Variants in TMTC2 observed in about 807,000 individuals in gnomAD.
TMTC2 encodes transmembrane O-mannosyltransferase targeting cadherins 2, also known as protein O-mannosyl-transferase TMTC2.
In TMTC2, 43 loss-of-function variants were observed where a neutral mutation model predicts 82.4. The ratio of observed to expected loss-of-function variants is 0.52; its 90% CI spans 0.41 to 0.67. The LOEUF is 0.67. TMTC2 is among the 30% of genes least tolerant of loss of function. The pLI, the probability that TMTC2 is intolerant of heterozygous loss-of-function variation, is 0.00. For synonymous variants in TMTC2, 408 were observed against 381.9 expected, an observed-to-expected ratio of 1.07 and a Z score of -0.80; for missense variants, 919 against 1,012.4, an observed-to-expected ratio of 0.91 and a Z score of 1.25.
chr12:82,690,715 T>C (rs1178632952), intron 1 of TMTC2, among the ~76,000 whole-genome samples: 1 of 152,206 alleles, frequency 6.6e-6, no homozygotes, highest in African/African-American at 2.4e-5. Context: ...CTCCCCTTGC[T>C]TTCAATCTAG....
chr12:82,901,915 G>A (rs1240356306), intron 3 of TMTC2, among the ~76,000 whole-genome samples: 1 of 152,058 alleles, frequency 6.6e-6, no homozygotes, highest in African/African-American at 2.4e-5. Context: ...CTGTTGGTAT[G>A]GGGGAGGAAA....
chr12:82,924,347 G>A (rs1210359113), intron 3 of TMTC2, among the ~76,000 whole-genome samples: 2 of 152,216 alleles, frequency 1.3e-5, no homozygotes, highest in African/African-American at 4.8e-5. Flanking sequence ...CATTCATATA[G>A]CAAGAGAGGA....
In TMTC2 at chr12:82,856,452, G is replaced by A. The variant is rs181841999; in HGVS notation, c.84-558G>A. On this transcript the variant is annotated intron_variant, in intron 1 of 11. Transcript: ENST00000321196. ...AGGACCATCAACATCAGCATCACCT[G>A]AGAGCTACTGGAATGTGGACTCTCT... Among the ~76,000 whole-genome samples, 256 of 152,308 alleles carry A rather than the reference G, an allele frequency of 1.7e-3. 2 individuals are homozygous for A. The highest frequency in any genetic ancestry group is 6.0e-3 in the African/African-American group (248 of 41,568).
rs776796795 is a variant in TMTC2, at chr12:83,051,014, C to T, written c.2263C>T (p.Leu755Phe). ...FDVVFNAAHM[L>F]RQASLNEAAE... The stretch of plus-strand genomic sequence containing the variant: ...TGTTGTCTTCAATGCTGCCCACATG[C>T]TCAGGTTAGTTTTTTTGCTGCTGTG... Residue 755 changes from leucine (L) to phenylalanine (F), a missense_variant, in exon 10 of 12, where the codon CTC becomes TTC. Physicochemically the swap from Leu to Phe is conservative, Grantham distance 22. Transcript: ENST00000321196. The T allele has an allele frequency of 4.7e-5, 75 of 1,604,024 alleles. No individual in the cohort carries two copies. Among genetic ancestry groups the T allele is most frequent in the Non-Finnish European group, 5.8e-5 (68 of 1,175,466 alleles).
intron 9 of TMTC2, among the ~76,000 whole-genome samples, chr12:83,037,614 A>G (rs980113238): frequency 6.6e-6 from 1 of 152,154 alleles, no homozygotes; most frequent in Admixed American, 6.5e-5. Flanking sequence ...GTTCCAAACT[A>G]TTTCATTTCT....
intron 8 of TMTC2, among the ~76,000 whole-genome samples, chr12:82,991,459 A>G (rs151112034): frequency 2.6e-5 from 4 of 152,336 alleles, no homozygotes; most frequent in East Asian, 3.9e-4. Flanking sequence ...GGTCATGAAC[A>G]TAAGACTTCA....
chr12:82,834,994 C>T (rs1253723523), intron 1 of TMTC2, among the ~76,000 whole-genome samples: 2 of 152,096 alleles, frequency 1.3e-5, no homozygotes, highest in South Asian at 2.1e-4. Context: ...TTTCCTGCTT[C>T]AGCCTCCTGA....
At position 83,133,314 on chromosome 12, in the gene TMTC2, A is replaced by G. The variant is rs1393356909; in HGVS notation, c.*925A>G. ...CAATAACTAACCAACAGGTTATTAG[A>G]CAAAAGGGAAGGTGTTTTGTGCTTC... is the stretch of plus-strand genomic sequence containing the variant. On this transcript the variant is annotated 3_prime_UTR_variant, in exon 12 of 12. Transcript: ENST00000321196. 1 of 152,234 alleles carries G rather than the reference A, an allele frequency of 6.6e-6. No homozygotes were observed. The highest frequency in any genetic ancestry group is 2.4e-5 in the African/African-American group (1 of 41,456). The allele number at this position is 152,234 out of a possible 1,614,324, so 9.4% of individuals were successfully genotyped here. A position where few individuals can be genotyped will look rare whatever the true frequency, so the allele number is the denominator to read the frequency against.
chr12:83,132,508 C>A lies in TMTC2; in HGVS notation c.*119C>A. ...TAGACTTCAAGACCAGGGCAGAGGT[C>A]ATTGAGGTCACTACCGCTTCTGGAA... On this transcript the variant is annotated 3_prime_UTR_variant, in exon 12 of 12. Coordinates refer to ENST00000321196, the MANE Select transcript of TMTC2 (RefSeq NM_152588.3). The A allele has an allele frequency of 1.8e-6, 2 of 1,128,918 alleles. No homozygotes were observed. The highest frequency in any genetic ancestry group is 2.5e-6 in the Non-Finnish European group (2 of 801,428). 69.9% of individuals were successfully genotyped at this position (1,128,918 alleles called of 1,614,324 possible).
At chr12:83,043,399 T>A (rs1357537490) in intron 9 of TMTC2, among the ~76,000 whole-genome samples, 1 of 152,200 alleles carries the variant, frequency 6.6e-6, no homozygotes, top group African/African-American at 2.4e-5. Context: ...ACTCATCTTG[T>A]TACCACTAGA....
At chr12:82,962,426 G>C (rs1389456020) in intron 4 of TMTC2, among the ~76,000 whole-genome samples, 1 of 151,994 alleles carries the variant, frequency 6.6e-6, no homozygotes, top group African/African-American at 2.4e-5. Flanking sequence ...AACCTTGATG[G>C]GCAGAGTAAA....
intron 1 of TMTC2, among the ~76,000 whole-genome samples, chr12:82,793,402 A>G (rs1055498026): frequency 8.1e-5 from 12 of 147,876 alleles, no homozygotes; most frequent in African/African-American, 3.0e-4. Context: ...ATATATCTTC[A>G]GTTCTAAATG....
At chr12:83,086,399 A>C (rs1041292909) in intron 11 of TMTC2, among the ~76,000 whole-genome samples, 1 of 152,156 alleles carries the variant, frequency 6.6e-6, no homozygotes, top group Non-Finnish European at 1.5e-5. Context: ...GGTGATTCTA[A>C]TGTGCAGTTA....
intron 11 of TMTC2, among the ~76,000 whole-genome samples, chr12:83,124,563 C>CT (rs61668693): frequency 0.044 from 6,023 of 138,458 alleles, 336 homozygotes; most frequent in African/African-American, 0.14. Context: ...TTGTTGAAAT[C>CT]TTTTTTTTTT....
intron 11 of TMTC2, among the ~76,000 whole-genome samples, chr12:83,118,108 C>G (rs562748092): frequency 6.6e-6 from 1 of 152,194 alleles, no homozygotes; most frequent in African/African-American, 2.4e-5. Context: ...GTCATATCAT[C>G]AGCAAACAGT....
At chr12:83,048,598 G>A (rs1314672783) in intron 9 of TMTC2, among the ~76,000 whole-genome samples, 1 of 152,008 alleles carries the variant, frequency 6.6e-6, no homozygotes, top group Non-Finnish European at 1.5e-5. Flanking sequence ...TATAATCGTA[G>A]GCTTACCTTT....
intron 11 of TMTC2, among the ~76,000 whole-genome samples, chr12:83,078,497 A>G (rs1883362558): frequency 6.6e-6 from 1 of 152,166 alleles, no homozygotes; most frequent in African/African-American, 2.4e-5. Flanking sequence ...AGAGGGAAAA[A>G]ATATGTGCTG....
rs550796072 is a variant in TMTC2 at position 82,946,319 on chromosome 12, TAA to T, written c.1598+15775_1598+15776del. On this transcript the variant is annotated intron_variant, in intron 4 of 11. Coordinates refer to ENST00000321196, the MANE Select transcript of TMTC2 (RefSeq NM_152588.3). ...GTGCTTAGCATATGTGTTCAATAAA[TAA>T]TAGTTGCATGCACATTGATTTAGGT... is the stretch of plus-strand genomic sequence containing the variant. Among the ~76,000 whole-genome samples the T allele has an allele frequency of 1.3e-4, 20 of 152,342 alleles. No homozygotes were observed. In the South Asian group the frequency reaches 3.9e-3, roughly 30 times the overall value.
intron 4 of TMTC2, among the ~76,000 whole-genome samples, chr12:82,939,780 A>G (rs968824466): frequency 1.3e-5 from 2 of 152,100 alleles, no homozygotes; most frequent in Non-Finnish European, 2.9e-5. Flanking sequence ...TAGGAAATTT[A>G]TATTTTAAAA....
Sources: allele counts gnomAD v4.1 joint callset (sites outside exome capture counted in the v4.1 genomes callset), GRCh38; gene constraint gnomAD v4.1.1; transcripts MANE v1.5; gene names NCBI Gene and HGNC (gene_info 2026-07-23, HGNC 2026-07-21).